The following YWHAE variants were observed in gnomAD, a reference collection of about 807,000 sequenced individuals.
The protein encoded by YWHAE is tyrosine 3-monooxygenase/tryptophan 5-monooxygenase activation protein epsilon.
Under a neutral mutation model 30.1 loss-of-function variants are expected in YWHAE, and 4 were observed. That is an observed-to-expected ratio of 0.13 (90% confidence interval 0.07 to 0.30). The LOEUF (loss-of-function observed/expected upper bound fraction) is 0.30, where lower values mean the gene tolerates loss of function less well. Ranked by LOEUF, YWHAE falls within the 10% of genes least tolerant of loss-of-function variation. The probability of loss-of-function intolerance (pLI) is 1.00; values close to 1 mark genes in which losing one functional copy is unlikely to be tolerated. For missense variants in YWHAE, 121 were observed against 315.9 expected (o/e 0.38, Z 4.68); for synonymous variants, 118 against 111.8 (o/e 1.06, Z -0.35).
chr17:1,388,132 T>TTTTTTTTTTTTTTTG (rs2073334947), intron 1 of YWHAE, among the ~76,000 whole-genome samples: 1 of 109,912 alleles, frequency 9.1e-6, no homozygotes, highest in Non-Finnish European at 1.8e-5. Flanking sequence ...TTTTTTTTTT[T>TTTTTTTTTTTTTTTG]TTTTTTTTTT....
chr17:1,359,443 C>T (rs978233280), intron 4 of YWHAE, among the ~76,000 whole-genome samples: 2 of 152,168 alleles, frequency 1.3e-5, no homozygotes, highest in African/African-American at 4.8e-5. Context: ...AAGGTGGAAA[C>T]CCACTGACCA....
chr17:1,395,357 G>A (rs998278650), intron 1 of YWHAE, among the ~76,000 whole-genome samples: 1 of 151,654 alleles, frequency 6.6e-6, no homozygotes, highest in Non-Finnish European at 1.5e-5. Flanking sequence ...GTGAAACCTC[G>A]TCTCTACTAA....
In YWHAE at chr17:1,345,172, C is replaced by T. The variant is rs7266; in HGVS notation, c.*275G>A. On this transcript the variant is annotated 3_prime_UTR_variant, in exon 6 of 6. Transcript: ENST00000264335. The stretch of plus-strand genomic sequence containing the variant: ...TGCCACATCTGGCACGGAGACGACA[C>T]AGTAATGCTGAAAAAGCCTCTATGT... The T allele has an allele frequency of 0.054, 25,682 of 472,412 alleles. 912 individuals carry two copies. The highest frequency in any genetic ancestry group is 0.067 in the Non-Finnish European group (17,987 of 266,864). 29.3% of individuals were successfully genotyped at this position (472,412 alleles called of 1,614,324 possible).
Position 1,366,804 on chromosome 17 carries a change from T to C in YWHAE, c.65-1746A>G, listed in dbSNP as rs574907014. On this transcript the variant is annotated intron_variant, in intron 1 of 5. Coordinates refer to ENST00000264335, the MANE Select transcript of YWHAE (RefSeq NM_006761.5). ...TAAAAATACAAAAATTAGCTGGGCA[T>C]GGTGGTGCACGCTTGTAATCCCAGC... 4.7e-4 allele frequency among the ~76,000 whole-genome samples: 71 copies of C among 152,166 alleles called. No individual in the cohort carries two copies. The Middle Eastern group carries it at 0.01, about 22-fold the overall frequency.
In YWHAE at chr17:1,400,218, A is replaced by G. The variant is rs1047326455; in HGVS notation, c.-108T>C. Reference sequence around the variant, plus strand: ...CGGGCAGCAAAAATGGCGGCGCCTCAATCCGGGACTTCCGCCTGCGCACGC... The same window carrying G: ...CGGGCAGCAAAAATGGCGGCGCCTCGATCCGGGACTTCCGCCTGCGCACGC... On this transcript the variant is annotated 5_prime_UTR_variant, in exon 1 of 6. Transcript: ENST00000264335. 2 of 1,296,380 alleles carry G rather than the reference A, an allele frequency of 1.5e-6. No individual in the cohort carries two copies. The highest frequency in any genetic ancestry group is 2.2e-6 in the Non-Finnish European group (2 of 904,790). 80.3% of individuals were successfully genotyped at this position (1,296,380 alleles called of 1,614,324 possible).
intron 2 of YWHAE, 82 bp from the exon 3 acceptor site, chr17:1,362,090 G>A (rs900720592): frequency 1.2e-6 from 1 of 802,798 alleles, no homozygotes; most frequent in African/African-American, 1.8e-5. Flanking sequence ...CTGGTTTTGA[G>A]GTAGAGAGCT....
At chr17:1,345,835 ACT>A (rs781125296) in intron 5 of YWHAE, among the ~76,000 whole-genome samples, 9 of 152,148 alleles carry the variant, frequency 5.9e-5, no homozygotes, top group Non-Finnish European at 1.2e-4. Context: ...GGGTCAAAAT[ACT>A]CTTTCTCAAT....
At chr17:1,398,337 C>CG (rs923698486) in intron 1 of YWHAE, among the ~76,000 whole-genome samples, 2 of 90,544 alleles carry the variant, frequency 2.2e-5, no homozygotes, top group African/African-American at 1.3e-4. Flanking sequence ...CATCTTATCC[C>CG]CCCCCCCAAC....
At position 1,361,997 on chromosome 17, in the gene YWHAE, C is replaced by T. The variant is rs754470027; in HGVS notation, c.276G>A (p.Glu92=). 1.1e-5 allele frequency: 18 copies of T among 1,580,684 alleles called. No homozygotes were observed. Among genetic ancestry groups the T allele is most frequent in the Non-Finnish European group, 1.5e-5 (18 of 1,169,840 alleles). ...IREYRQMVET[E]LKLICCDILD... ...GAATGTCACAACAGATTAACTTTAGCTCAGTCTCAACCTAAAAAAAAAAAA... is the reference window on the plus strand; with the variant it reads ...GAATGTCACAACAGATTAACTTTAGTTCAGTCTCAACCTAAAAAAAAAAAA... The change falls in exon 3 of 6, where the codon GAG becomes GAA. Residue 92 remains glutamate, a synonymous_variant. Transcript: ENST00000264335.
intron 5 of YWHAE, among the ~76,000 whole-genome samples, chr17:1,351,684 T>C (rs1309713157): frequency 1.3e-5 from 2 of 152,184 alleles, no homozygotes; most frequent in Non-Finnish European, 2.9e-5. Flanking sequence ...CAGGTTAGAA[T>C]ACAGTGGCGC....
intron 4 of YWHAE, among the ~76,000 whole-genome samples, chr17:1,357,992 C>G (rs1376018386): frequency 2.6e-5 from 4 of 151,544 alleles, no homozygotes; most frequent in Non-Finnish European, 5.9e-5. Flanking sequence ...TGCCAACCTA[C>G]AGAAGAGGAG....
At chr17:1,373,808 AAAATGTAGT>A (rs1427134692) in intron 1 of YWHAE, among the ~76,000 whole-genome samples, 1 of 152,178 alleles carries the variant, frequency 6.6e-6, no homozygotes, top group Non-Finnish European at 1.5e-5. Flanking sequence ...TTGTTCTGTA[AAAATGTAGT>A]ATCTGTGAAG....
chr17:1,370,345 A>G (rs557369940), intron 1 of YWHAE, among the ~76,000 whole-genome samples: 2 of 151,168 alleles, frequency 1.3e-5, no homozygotes, highest in South Asian at 2.1e-4. Context: ...GTTAGCCAGG[A>G]CGGTCTCGAT....
intron 5 of YWHAE, among the ~76,000 whole-genome samples, chr17:1,346,505 C>A (rs1424982457): frequency 6.6e-6 from 1 of 152,230 alleles, no homozygotes; most frequent in Non-Finnish European, 1.5e-5. Context: ...TAGCTGCCTA[C>A]ACACATGAAG....
chr17:1,398,460 A>G (rs1238147755), intron 1 of YWHAE, among the ~76,000 whole-genome samples: 1 of 152,054 alleles, frequency 6.6e-6, no homozygotes, highest in Non-Finnish European at 1.5e-5. Flanking sequence ...AAATCCCTGA[A>G]TCTTATTTCT....
chr17:1,398,572 G>C (rs2073512134), intron 1 of YWHAE, among the ~76,000 whole-genome samples: 1 of 151,918 alleles, frequency 6.6e-6, no homozygotes, highest in Non-Finnish European at 1.5e-5. Context: ...TTTTAATTAG[G>C]AAAAAAATCT....
Position 1,365,072 on chromosome 17 carries a change from G to A in YWHAE, c.65-14C>T. On this transcript the variant is annotated splice_polypyrimidine_tract_variant and intron_variant, in intron 1 of 5. Coordinates refer to ENST00000264335, the MANE Select transcript of YWHAE (RefSeq NM_006761.5). Reference sequence around the variant, plus strand: ...ACTCCACCATTTCTGTATGGGAAAAGGAAAAGTCAGACCTTACAAATTTGA... The same window carrying A: ...ACTCCACCATTTCTGTATGGGAAAAAGAAAAGTCAGACCTTACAAATTTGA... 1.2e-6 allele frequency: 2 copies of A among 1,612,416 alleles called. No homozygotes were observed. The highest frequency in any genetic ancestry group is 1.7e-6 in the Non-Finnish European group (2 of 1,179,520).
chr17:1,364,336 C>T (rs1315521814), intron 2 of YWHAE, among the ~76,000 whole-genome samples: 1 of 151,992 alleles, frequency 6.6e-6, no homozygotes, highest in Non-Finnish European at 1.5e-5. Flanking sequence ...ACACCATTCT[C>T]CTGCCTCAGC....
At position 1,364,075 on chromosome 17, in the gene YWHAE, T is replaced by C. The variant is rs746683389; in HGVS notation, c.264+784A>G. On this transcript the variant is annotated intron_variant, in intron 2 of 5. Coordinates refer to ENST00000264335, the MANE Select transcript of YWHAE (RefSeq NM_006761.5). The stretch of plus-strand genomic sequence containing the variant: ...ATTGAAAACTGCTGCATTACAGTGA[T>C]GGCTGTCCAACTTTTTTTTAACAAG... 1.8e-4 allele frequency among the ~76,000 whole-genome samples: 27 copies of C among 152,212 alleles called. 1 individual carries two copies. Among genetic ancestry groups the C allele is most frequent in the Admixed American group, 1.8e-3 (27 of 15,270 alleles).
Sources: gnomAD v4.1 joint callset for allele counts (sites outside exome capture counted in the v4.1 genomes callset) on GRCh38, gnomAD v4.1.1 for gene constraint, MANE v1.5 for transcripts, NCBI Gene and HGNC (gene_info 2026-07-23, HGNC 2026-07-21) for gene names.